Variants in AUTS2 observed in about 807,000 individuals in gnomAD.
The protein encoded by AUTS2 is activator of transcription and developmental regulator AUTS2.
A neutral mutation model predicts 112.4 loss-of-function variants in AUTS2; 17 were observed. That is an observed-to-expected ratio of 0.15 (90% CI 0.10 to 0.23). The LOEUF (loss-of-function observed/expected upper bound fraction) is 0.23, where lower values mean the gene tolerates loss of function less well. Among genes scored for constraint, AUTS2 ranks in the 10% least tolerant of loss-of-function variants. The probability of loss-of-function intolerance (pLI) is 1.00; values close to 1 mark genes in which losing one functional copy is unlikely to be tolerated. For missense variants in AUTS2, 1,510 were observed against 1,701.6 expected (o/e 0.89, Z 1.98); for synonymous variants, 751 against 702.7 (o/e 1.07, Z -1.09).
chr7:70,457,429 G>T (rs1311919411), intron 5 of AUTS2, among the ~76,000 whole-genome samples: 1 of 152,144 alleles, frequency 6.6e-6, no homozygotes, highest in Middle Eastern at 3.2e-3. Flanking sequence ...CTTCTGGAGG[G>T]GTAGGAACAG....
rs1225794976 is a variant in AUTS2 at position 70,245,142 on chromosome 7, G to GTATATATATATATA, written c.660+110572_660+110573insATATATATATATAT. On this transcript the variant is annotated intron_variant, in intron 4 of 18. Transcript: ENST00000342771. Reference sequence around the variant, plus strand: ...CTCAAAAAAAAAAAAAAGTGTGTGTGTGTATATATATATATATATATATAT... The same window carrying GTATATATATATATA: ...CTCAAAAAAAAAAAAAAGTGTGTGTGTATATATATATATATGTATATATATATATATATATATAT... Among the ~76,000 whole-genome samples, 20 of 72,230 alleles carry GTATATATATATATA rather than the reference G, an allele frequency of 2.8e-4. 1 individual carries two copies. The highest frequency in any genetic ancestry group is 1.1e-3 in the African/African-American group (20 of 18,172). 47.4% of individuals were successfully genotyped at this position (72,230 alleles called of 152,430 possible). A position where few individuals can be genotyped will look rare whatever the true frequency, so the allele number is the denominator to read the frequency against.
intron 2 of AUTS2, among the ~76,000 whole-genome samples, chr7:70,060,669 A>T (rs56272534): frequency 0.033 from 4,980 of 152,306 alleles, 185 homozygotes; most frequent in African/African-American, 0.079. Context: ...TATATAGATG[A>T]GCAGAAAAGA....
intron 2 of AUTS2, among the ~76,000 whole-genome samples, chr7:70,070,408 TAAAAA>T (rs58320845): frequency 7.8e-6 from 1 of 128,438 alleles, no homozygotes. Context: ...CCCCGTCTCT[TAAAAA>T]AAAAAAAAAA....
chr7:70,308,084 C>T (rs1036590086), intron 4 of AUTS2, among the ~76,000 whole-genome samples: 1 of 152,192 alleles, frequency 6.6e-6, no homozygotes, highest in Non-Finnish European at 1.5e-5. Flanking sequence ...TTGAAACTTA[C>T]ATTGTTTCTC....
At chr7:70,390,970 T>A (rs1793825532) in intron 4 of AUTS2, among the ~76,000 whole-genome samples, 2 of 152,224 alleles carry the variant, frequency 1.3e-5, no homozygotes, top group Admixed American at 1.3e-4. Context: ...GAATCTGTGC[T>A]GATAACTGTA....
At chr7:69,795,152 G>A (rs1789783737) in intron 1 of AUTS2, among the ~76,000 whole-genome samples, 1 of 152,168 alleles carries the variant, frequency 6.6e-6, no homozygotes, top group Admixed American at 6.5e-5. Flanking sequence ...TAAGTTTGCT[G>A]CTACTACTGT....
intron 1 of AUTS2, among the ~76,000 whole-genome samples, chr7:69,622,805 G>C (rs1400133791): frequency 1.3e-5 from 2 of 152,200 alleles, no homozygotes; most frequent in African/African-American, 4.8e-5. Context: ...TTTGTAGTTG[G>C]TAAGAGAATA....
chr7:69,913,815 C>T (rs1795455454), intron 2 of AUTS2, among the ~76,000 whole-genome samples: 1 of 152,184 alleles, frequency 6.6e-6, no homozygotes, highest in Admixed American at 6.5e-5. Context: ...AGCTTCATGT[C>T]ATGCTTCCCT....
chr7:70,543,096 ATATAATATAAG>A (rs1485165192), intron 5 of AUTS2, among the ~76,000 whole-genome samples: 2 of 152,204 alleles, frequency 1.3e-5, no homozygotes, highest in Non-Finnish European at 2.9e-5. Context: ...TCTTGTGGAA[ATATAATATAAG>A]TATGAGCTAT....
chr7:69,640,594 A>G (rs957989766), intron 1 of AUTS2, among the ~76,000 whole-genome samples: 3 of 152,208 alleles, frequency 2.0e-5, no homozygotes, highest in African/African-American at 7.2e-5. Context: ...GAAAAACCAT[A>G]AATATTCCAC....
chr7:69,911,442 C>G (rs949595599), intron 2 of AUTS2, among the ~76,000 whole-genome samples: 1 of 152,206 alleles, frequency 6.6e-6, no homozygotes, highest in Non-Finnish European at 1.5e-5. Context: ...AAGTGTGTTT[C>G]AGCCCTGTTT....
intron 2 of AUTS2, among the ~76,000 whole-genome samples, chr7:70,060,578 C>T (rs1031985638): frequency 5.3e-5 from 8 of 152,164 alleles, no homozygotes; most frequent in Admixed American, 6.5e-5. Context: ...TCAACACTTA[C>T]TTTGTAATGC....
intron 1 of AUTS2, among the ~76,000 whole-genome samples, chr7:69,731,679 T>G (rs1786801253): frequency 6.6e-6 from 1 of 152,226 alleles, no homozygotes; most frequent in Non-Finnish European, 1.5e-5. Flanking sequence ...AAGAGGTTGT[T>G]CCCTTTTTGG....
intron 5 of AUTS2, among the ~76,000 whole-genome samples, chr7:70,695,351 C>T (rs1197527598): frequency 1.3e-5 from 2 of 152,236 alleles, no homozygotes; most frequent in Non-Finnish European, 2.9e-5. Flanking sequence ...GAGGAGGGGG[C>T]CGGGGCCTGC....
intron 5 of AUTS2, among the ~76,000 whole-genome samples, chr7:70,486,001 T>A (rs938602708): frequency 4.9e-5 from 6 of 122,436 alleles, no homozygotes; most frequent in South Asian, 2.7e-4. Flanking sequence ...AATAAATAAA[T>A]AATAAATAAA....
intron 2 of AUTS2, among the ~76,000 whole-genome samples, chr7:69,977,547 G>T (rs1345148258): frequency 6.6e-6 from 1 of 152,060 alleles, no homozygotes; most frequent in East Asian, 1.9e-4. Flanking sequence ...AACAACAGTA[G>T]GTATAACAAT....
At chr7:69,957,544 T>C (rs1365932125) in intron 2 of AUTS2, among the ~76,000 whole-genome samples, 2 of 152,194 alleles carry the variant, frequency 1.3e-5, no homozygotes, top group African/African-American at 2.4e-5. Context: ...TTATGATATA[T>C]GTGATATATC....
intron 5 of AUTS2, among the ~76,000 whole-genome samples, chr7:70,548,075 A>G (rs1386665907): frequency 6.6e-6 from 1 of 152,056 alleles, no homozygotes; most frequent in Non-Finnish European, 1.5e-5. Context: ...GTTCTTTTTC[A>G]AGATTGTTTT....
intron 1 of AUTS2, among the ~76,000 whole-genome samples, chr7:69,871,316 C>T (rs1345123691): frequency 6.6e-6 from 1 of 152,162 alleles, no homozygotes; most frequent in Non-Finnish European, 1.5e-5. Flanking sequence ...AGTATAGGCT[C>T]CCAAGGTTGT....
Sources: gnomAD v4.1 joint callset for allele counts (sites outside exome capture counted in the v4.1 genomes callset) on GRCh38, gnomAD v4.1.1 for gene constraint, MANE v1.5 for transcripts, NCBI Gene and HGNC (gene_info 2026-07-23, HGNC 2026-07-21) for gene names.